The following OGFOD1 variants were observed in gnomAD, a reference collection of about 807,000 sequenced individuals.
The protein encoded by OGFOD1 is 2-oxoglutarate and iron dependent oxygenase domain containing 1, also known as prolyl 3-hydroxylase OGFOD1.
A neutral mutation model predicts 67.7 loss-of-function variants in OGFOD1; 54 were observed. The observed-to-expected ratio is 0.80, with a 90% CI of 0.64 to 1.00. The LOEUF is 1.00. OGFOD1 is among the 50% of genes least tolerant of loss of function. OGFOD1 has a pLI of 0.00. For synonymous variants in OGFOD1, 221 were observed against 227.0 expected, an observed-to-expected ratio of 0.97 and a Z score of 0.24; for missense variants, 606 against 646.7, an observed-to-expected ratio of 0.94 and a Z score of 0.68.
At chr16:56,466,547 C>T (rs111317862) in intron 5 of OGFOD1, among the ~76,000 whole-genome samples, 10 of 152,214 alleles carry the variant, frequency 6.6e-5, no homozygotes, top group African/African-American at 2.4e-4. Flanking sequence ...GGGTGGAGTG[C>T]ATATAAGGCT....
In OGFOD1 at chr16:56,470,071, C is replaced by G; in HGVS notation, c.969C>G (p.Pro323=). ...HGHVEWSSRG[P]PNKRFYEKAE... The stretch of plus-strand genomic sequence containing the variant: ...ATGTGGAATGGAGCAGCCGAGGTCC[C>G]CCTAACAAAAGGTAGAACCCGTCAT... The change falls in exon 9 of 13, where the codon CCC becomes CCG. Residue 323 remains proline, a synonymous_variant. Transcript: ENST00000566157. 9 of 1,613,878 alleles carry G rather than the reference C, an allele frequency of 5.6e-6. No homozygotes were observed. The highest frequency in any genetic ancestry group is 7.6e-6 in the Non-Finnish European group (9 of 1,179,884).
At chr16:56,475,941 A>T in intron 12 of OGFOD1, 103 bp from the exon 13 acceptor site, 1 of 1,067,218 alleles carries the variant, frequency 9.4e-7, no homozygotes, top group Middle Eastern at 2.8e-4. Context: ...CTCTATCCCC[A>T]GATTAAGTGC....
rs72814489 is a variant in OGFOD1, at chr16:56,470,825, A to G, written c.1285+34A>G. On this transcript the variant is annotated intron_variant, in intron 10 of 12. Coordinates refer to ENST00000566157, the MANE Select transcript of OGFOD1 (RefSeq NM_018233.4). Reference sequence around the variant, plus strand: ...TTGTTAGGATTTGTCCTTACTTACCATTAACCATTCACCATTCAAACATGT... The same window carrying G: ...TTGTTAGGATTTGTCCTTACTTACCGTTAACCATTCACCATTCAAACATGT... The G allele has an allele frequency of 3.4e-3, 5,114 of 1,515,136 alleles. 38 individuals are homozygous for G. Among genetic ancestry groups the G allele is most frequent in the South Asian group, 0.017 (1,288 of 75,436 alleles). The allele number at this position is 1,515,136 out of a possible 1,614,324, so 93.9% of individuals were successfully genotyped here. A position where few individuals can be genotyped will look rare whatever the true frequency, so the allele number is the denominator to read the frequency against.
intron 2 of OGFOD1, among the ~76,000 whole-genome samples, chr16:56,456,360 T>C (rs776058397): frequency 1.4e-4 from 22 of 152,240 alleles, no homozygotes; most frequent in Non-Finnish European, 2.6e-4. Context: ...CAGGCTTCTA[T>C]TGGGTCTCAT....
rs79977102 is a variant in OGFOD1 at position 56,474,821 on chromosome 16, T to C, written c.1286-7T>C. The C allele has an allele frequency of 3.8e-6, 6 of 1,586,316 alleles. No homozygotes were observed. The Admixed American group carries it at 7.7e-5, about 20-fold the overall frequency. ...TTAAAGTTTCTCATCTTTTTTTTTT[T>C]CCTTAGAATCAAGTGTTCCCATGTG... On this transcript the variant is annotated splice_region_variant and splice_polypyrimidine_tract_variant and intron_variant, in intron 10 of 12. Transcript: ENST00000566157.
intron 2 of OGFOD1, 111 bp downstream of exon 2, chr16:56,453,519 C>A: frequency 9.9e-7 from 1 of 1,011,450 alleles, no homozygotes; most frequent in Non-Finnish European, 1.5e-6. Context: ...TTGAACAGTC[C>A]TTGCATTGAC....
At chr16:56,460,472 G>A (rs2143989167) in intron 3 of OGFOD1, among the ~76,000 whole-genome samples, 1 of 152,302 alleles carries the variant, frequency 6.6e-6, no homozygotes, top group African/African-American at 2.4e-5. Flanking sequence ...TCAAGACTTT[G>A]AAGAAATATT....
chr16:56,470,819 C>T (rs370340606), intron 10 of OGFOD1, 28 bp downstream of exon 10: 11 of 1,531,640 alleles, frequency 7.2e-6, no homozygotes, highest in African/African-American at 2.8e-5. Context: ...TTTGTCCTTA[C>T]TTACCATTAA....
intron 2 of OGFOD1, among the ~76,000 whole-genome samples, chr16:56,457,595 A>G (rs1267981061): frequency 1.1e-4 from 12 of 114,180 alleles, no homozygotes; most frequent in South Asian, 3.0e-4. Flanking sequence ...AAAAACTCCA[A>G]TGACTTTTTT....
chr16:56,454,487 CTA>C (rs1476458256), intron 2 of OGFOD1, among the ~76,000 whole-genome samples: 1 of 148,440 alleles, frequency 6.7e-6, no homozygotes, highest in Non-Finnish European at 1.5e-5. Context: ...GCAGAAAAGA[CTA>C]TCTCTTTTTT....
At chr16:56,451,546 G>C, upstream of OGFOD1, 3 of 1,540,708 alleles carry the variant, frequency 1.9e-6, no homozygotes, top group Non-Finnish European at 2.7e-6. Flanking sequence ...GACATGCCGG[G>C]AGTTGCAGTA....
In OGFOD1 at chr16:56,462,586, G is replaced by A. The variant is rs762913518; in HGVS notation, c.400G>A (p.Asp134Asn). The A allele has an allele frequency of 3.1e-6, 5 of 1,613,184 alleles. No homozygotes were observed. In the South Asian group the frequency reaches 3.3e-5, roughly 11 times the overall value. ...CTGGCTTTCTGATATTTCTAAAATT[G>A]ACCTGGAATCAACCATTGACATGTC... ...RSWLSDISKI[D>N]LESTIDMSCA... Residue 134 changes from aspartate to asparagine, a missense_variant, in exon 4 of 13, where the codon GAC becomes AAC. By Grantham distance (23) the Asp-to-Asn change is conservative (BLOSUM62 1). Transcript: ENST00000566157.
chr16:56,458,486 T>C (rs113605749), intron 2 of OGFOD1, 62 bp from the exon 3 acceptor site: 1 of 1,451,410 alleles, frequency 6.9e-7, no homozygotes, highest in Non-Finnish European at 9.7e-7. Flanking sequence ...ACTAAACTGC[T>C]CTCCTTTGTG....
At position 56,469,635 on chromosome 16, in the gene OGFOD1, A is replaced by G. The variant is rs772397954; in HGVS notation, c.901-368A>G. Among the ~76,000 whole-genome samples the G allele has an allele frequency of 4.5e-4, 68 of 151,976 alleles. 1 individual carries two copies. Among genetic ancestry groups the G allele is most frequent in the Admixed American group, 4.1e-3 (63 of 15,256 alleles). ...TTTGGGAATCCAAGGTGGACAGATC[A>G]CCTGAGGGTCGGGAGTTCGAGACCA... On this transcript the variant is annotated intron_variant, in intron 8 of 12. Transcript: ENST00000566157.
chr16:56,470,513 AG>A lies in OGFOD1; in HGVS notation c.1008del (p.Lys336AsnfsTer6). ...TTTTATGAGAAAGCTGAGGAGAGTA[AG>A]CTTCCTGAGATATTGAAGGAGTGCA... ...KRFYEKAEES[K>X]LPEILKECMK... On this transcript the variant is annotated frameshift_variant, in exon 10 of 13. Coordinates refer to ENST00000566157, the MANE Select transcript of OGFOD1 (RefSeq NM_018233.4). LOFTEE classifies it high-confidence loss of function. 1 of 1,612,836 alleles carries A rather than the reference AG, an allele frequency of 6.2e-7. No individual in the cohort carries two copies. Among genetic ancestry groups the A allele is most frequent in the East Asian group, 2.2e-5 (1 of 44,888 alleles).
chr16:56,453,663 C>G, intron 2 of OGFOD1: 1 of 286,838 alleles, frequency 3.5e-6, no homozygotes, highest in Non-Finnish European at 6.6e-6. Flanking sequence ...AGTGCAAGCT[C>G]TGTACTCTCA....
At chr16:56,457,388 G>A (rs1213244227) in intron 2 of OGFOD1, among the ~76,000 whole-genome samples, 1 of 152,224 alleles carries the variant, frequency 6.6e-6, no homozygotes, top group African/African-American at 2.4e-5. Flanking sequence ...GAGCTGGGGG[G>A]AGGAGAGAAG....
At chr16:56,465,307 C>T in intron 4 of OGFOD1, among the ~76,000 whole-genome samples, 1 of 152,160 alleles carries the variant, frequency 6.6e-6, no homozygotes, top group South Asian at 2.1e-4. Flanking sequence ...GCCTGTATTT[C>T]TATATATAGA....
chr16:56,469,431 C>T (rs985552891), intron 8 of OGFOD1, among the ~76,000 whole-genome samples: 15 of 152,092 alleles, frequency 9.9e-5, no homozygotes, highest in African/African-American at 2.7e-4. Flanking sequence ...AGCAGATTGA[C>T]GTAAGGTATA....
Sources: allele counts gnomAD v4.1 joint callset (sites outside exome capture counted in the v4.1 genomes callset), GRCh38; gene constraint gnomAD v4.1.1; transcripts MANE v1.5; gene names NCBI Gene and HGNC (gene_info 2026-07-23, HGNC 2026-07-21).